Variants in AHRR observed in about 807,000 individuals in gnomAD.
AHRR encodes the protein aryl hydrocarbon receptor repressor, also known as ahR repressor.
In AHRR, 28 loss-of-function variants were observed where a neutral mutation model predicts 44.0. The ratio of observed to expected loss-of-function variants is 0.64; its 90% confidence interval spans 0.47 to 0.87. The LOEUF (loss-of-function observed/expected upper bound fraction) is 0.87, where lower values mean the gene tolerates loss of function less well. Among genes scored for constraint, AHRR ranks in the 40% least tolerant of loss-of-function variants. The pLI is 0.00. For synonymous variants in AHRR, 434 were observed against 407.0 expected, an observed-to-expected ratio of 1.07 and a Z score of -0.80; for missense variants, 990 against 953.9, an observed-to-expected ratio of 1.04 and a Z score of -0.50.
chr5:431,207 G>A (rs1172051335), intron 8 of AHRR, among the ~76,000 whole-genome samples: 2 of 152,082 alleles, frequency 1.3e-5, no homozygotes, highest in Non-Finnish European at 1.5e-5. Context: ...TGGAGCGTAG[G>A]TGTGGGATCA....
At chr5:324,582 T>G (rs1741637400) in intron 1 of AHRR, among the ~76,000 whole-genome samples, 1 of 151,206 alleles carries the variant, frequency 6.6e-6, no homozygotes, top group Admixed American at 6.6e-5. Flanking sequence ...GGTCGGGAGT[T>G]CGAGACCAGC....
intron 2 of AHRR, among the ~76,000 whole-genome samples, chr5:345,212 GTGTGTC>G (rs144494109): frequency 1.7e-5 from 2 of 116,384 alleles, no homozygotes; most frequent in Non-Finnish European, 3.8e-5. Context: ...GTGTGTGTGT[GTGTGTC>G]GGATGATGTC....
intron 3 of AHRR, among the ~76,000 whole-genome samples, chr5:374,750 C>G (rs900927208): frequency 5.3e-5 from 8 of 152,248 alleles, no homozygotes; most frequent in African/African-American, 1.2e-4. Context: ...CCTCGCCCCC[C>G]ACGGACACCT....
chr5:431,512 G>A (rs544482467), intron 8 of AHRR, among the ~76,000 whole-genome samples: 1 of 152,304 alleles, frequency 6.6e-6, no homozygotes, highest in Non-Finnish European at 1.5e-5. Flanking sequence ...GCAGGACTGT[G>A]GTCCAGGGCA....
At position 370,770 on chromosome 5, in the gene AHRR, G is replaced by C. The variant is rs1261497177; in HGVS notation, c.245-5840G>C. 6.6e-6 allele frequency among the ~76,000 whole-genome samples: 1 copy of C among 151,704 alleles called. No individual in the cohort carries two copies. The highest frequency in any genetic ancestry group is 1.5e-5 in the Non-Finnish European group (1 of 67,912). ...CATGGGAAGGTGCAGGTGTTGGTGG[G>C]GGGAGGGGGGCACGTTCCCATCATG... On this transcript the variant is annotated intron_variant, in intron 3 of 10. Coordinates refer to ENST00000684583, the MANE Select transcript of AHRR (RefSeq NM_001377236.1). The surrounding 1 kb of genome is among the most constrained non-coding windows in gnomAD (Gnocchi z 4.5).
In AHRR at chr5:333,373, A is replaced by G. The variant is rs1579588075; in HGVS notation, c.-10-10520A>G. ...CACTTTGGGAGGCAGAGGCAGGTGGATCACTTGAGGTCAGGAGTTCAAGAT... is the reference window on the plus strand; with the variant it reads ...CACTTTGGGAGGCAGAGGCAGGTGGGTCACTTGAGGTCAGGAGTTCAAGAT... On this transcript the variant is annotated intron_variant, in intron 1 of 10. Transcript: ENST00000684583. Among the ~76,000 whole-genome samples the G allele has an allele frequency of 2.6e-5, 4 of 152,208 alleles. No individual in the cohort carries two copies. In the South Asian group the frequency reaches 8.3e-4, roughly 32 times the overall value.
intron 3 of AHRR, among the ~76,000 whole-genome samples, chr5:365,756 G>C (rs751461436): frequency 6.6e-6 from 1 of 152,018 alleles, no homozygotes; most frequent in Non-Finnish European, 1.5e-5. Context: ...TTTGAAGTTT[G>C]AAAACATAAA....
rs1186511064 is a variant in AHRR, at chr5:404,618, T to TA, written c.352-8721dup. 3 of 214,886 alleles carry TA rather than the reference T, an allele frequency of 1.4e-5. No homozygotes were observed. Among genetic ancestry groups the TA allele is most frequent in the Non-Finnish European group, 2.8e-5 (3 of 105,856 alleles). 13.3% of individuals were successfully genotyped at this position (214,886 alleles called of 1,614,324 possible). On this transcript the variant is annotated intron_variant, in intron 4 of 10. Coordinates refer to ENST00000684583, the MANE Select transcript of AHRR (RefSeq NM_001377236.1). This position sits in a 1 kb window ranked among gnomAD's most constrained non-coding sequence, Gnocchi z 4.1. Reference sequence around the variant, plus strand: ...TATGACGGTTTGGAAAAAACTGTCATAAAAATTCACTCTCTTGGTTGAGTC... The same window carrying TA: ...TATGACGGTTTGGAAAAAACTGTCATAAAAAATTCACTCTCTTGGTTGAGTC...
chr5:415,614 C>CCTAGGGGCCGAATCTCCCTGGTCTGCT (rs1735745120), intron 5 of AHRR, among the ~76,000 whole-genome samples: 1 of 66,330 alleles, frequency 1.5e-5, no homozygotes. Flanking sequence ...CCTGGTGGGG[C>CCTAGGGGCCGAATCTCCCTGGTCTGCT]GGGAGGCCTA....
chr5:332,016 A>G (rs1196894597), intron 1 of AHRR, among the ~76,000 whole-genome samples: 2 of 152,030 alleles, frequency 1.3e-5, no homozygotes, highest in Non-Finnish European at 2.9e-5. Flanking sequence ...GTCGTGTTTA[A>G]TTTTCATTTG....
rs748917880 is a variant in AHRR at position 423,869 on chromosome 5, C to G, written c.600C>G (p.Leu200=). 3.1e-6 allele frequency: 5 copies of G among 1,605,592 alleles called. No homozygotes were observed. Among genetic ancestry groups the G allele is most frequent in the African/African-American group, 2.7e-5 (2 of 74,944 alleles). The change falls in exon 7 of 11, where the codon CTC becomes CTG. Residue 200 remains leucine, a synonymous_variant. Transcript: ENST00000684583. The part of the protein sequence containing the change: ...TGDDAILGRL[L]RAQEWGTGTP... ...ATGATGCTATCCTGGGGAGGCTGCT[C>G]AGGGCCCAGGAGTGGGGCACAGGCA...
chr5:396,210 C>T (rs1734699025), intron 4 of AHRR, among the ~76,000 whole-genome samples: 1 of 152,150 alleles, frequency 6.6e-6, no homozygotes, highest in East Asian at 1.9e-4. Flanking sequence ...CAGGGTATGC[C>T]CTCCTGCCCT....
chr5:415,697 C>T (rs1334830028), intron 5 of AHRR, among the ~76,000 whole-genome samples: 2 of 151,432 alleles, frequency 1.3e-5, no homozygotes, highest in Non-Finnish European at 2.9e-5. Flanking sequence ...GGCCTAGGGG[C>T]GGAGTCTGCC....
chr5:356,486 C>T (rs1743052606), intron 3 of AHRR, among the ~76,000 whole-genome samples: 1 of 150,282 alleles, frequency 6.7e-6, no homozygotes, highest in African/African-American at 2.5e-5. Context: ...CGAGTGGAGG[C>T]CCTCAGTCAC....
intron 8 of AHRR, among the ~76,000 whole-genome samples, chr5:430,396 AC>A (rs1322443757): frequency 9.2e-5 from 14 of 152,266 alleles, no homozygotes; most frequent in Admixed American, 3.9e-4. Flanking sequence ...CTCTGGGAGG[AC>A]CCCGTCACAC....
chr5:376,467 T>C, intron 3 of AHRR, 143 bp from the exon 4 acceptor site: 6 of 15,388 alleles, frequency 3.9e-4, no homozygotes, highest in Admixed American at 2.9e-3. Context: ...CTGCGTGGCC[T>C]GCAGAGGGGT....
chr5:343,881 C>G lies in AHRR; in HGVS notation c.-10-12C>G, dbSNP rs1327731822. ...GCGCGTTCCGGTGACCGGGTGCCCC[C>G]TTGTCTTCCAGGCCGAGGACGATGA... On this transcript the variant is annotated splice_polypyrimidine_tract_variant and intron_variant, in intron 1 of 10. Coordinates refer to ENST00000684583, the MANE Select transcript of AHRR (RefSeq NM_001377236.1). 1 of 1,595,350 alleles carries G rather than the reference C, an allele frequency of 6.3e-7. No homozygotes were observed.
intron 5 of AHRR, among the ~76,000 whole-genome samples, chr5:418,364 A>G (rs1735918409): frequency 6.6e-6 from 1 of 152,228 alleles, no homozygotes; most frequent in African/African-American, 2.4e-5. Context: ...GACATGCCAC[A>G]CTGATGATTA....
At chr5:376,483 C>T in intron 3 of AHRR, 127 bp from the exon 4 acceptor site, 15 of 785,188 alleles carry the variant, frequency 1.9e-5, no homozygotes, top group East Asian at 8.1e-5. Flanking sequence ...GGGGTCAGTG[C>T]AGCCCAGGCC....
Sources: gnomAD v4.1 joint callset for allele counts (sites outside exome capture counted in the v4.1 genomes callset) on GRCh38, gnomAD v4.1.1 for gene constraint, Gnocchi (gnomAD v3.1) non-coding constraint, MANE v1.5 for transcripts, NCBI Gene and HGNC (gene_info 2026-07-23, HGNC 2026-07-21) for gene names.